The following MROH2A variants were observed in gnomAD, a reference collection of about 807,000 sequenced individuals.
MROH2A encodes maestro heat-like repeat-containing protein family member 2A.
Under a neutral mutation model 200.4 loss-of-function variants are expected in MROH2A, and 174 were observed. The observed-to-expected ratio is 0.87, with a 90% CI of 0.77 to 0.98. The LOEUF (loss-of-function observed/expected upper bound fraction) is 0.98, where lower values mean the gene tolerates loss of function less well. Among genes scored for constraint, MROH2A ranks in the 50% least tolerant of loss-of-function variants. The pLI is 0.00. For missense variants in MROH2A, 2,045 were observed against 2,139.6 expected, an observed-to-expected ratio of 0.96 and a Z score of 0.87; for synonymous variants, 829 against 840.4, an observed-to-expected ratio of 0.99 and a Z score of 0.23.
chr2:233,785,864 G>A (rs1229376125), intron 3 of MROH2A, among the ~76,000 whole-genome samples: 1 of 152,160 alleles, frequency 6.6e-6, no homozygotes, highest in East Asian at 1.9e-4. Flanking sequence ...TATAGTATGG[G>A]TGGCTTAGAA....
chr2:233,787,861 T>TTA (rs368679041), intron 3 of MROH2A, among the ~76,000 whole-genome samples: 2 of 5,288 alleles, frequency 3.8e-4, no homozygotes, highest in African/African-American at 5.3e-4. Flanking sequence ...TACATATATA[T>TTA]TATATATACA....
In MROH2A at chr2:233,789,952, A is replaced by T. The variant is rs1421854937; in HGVS notation, c.509A>T (p.Lys170Met). The T allele has an allele frequency of 1.3e-6, 2 of 1,550,540 alleles. No individual in the cohort carries two copies. The highest frequency in any genetic ancestry group is 1.7e-6 in the Non-Finnish European group (2 of 1,146,930). The change falls in exon 5 of 42, where the codon AAG (lysine) becomes ATG (methionine). Residue 170 changes from lysine to methionine, a missense_variant. By Grantham distance (95) the Lys-to-Met change is moderately conservative. This residue lies in a region of MROH2A where 831 missense variants were observed against 800.0 expected (regional missense o/e 1.04). Coordinates refer to ENST00000389758, the MANE Select transcript of MROH2A (RefSeq NM_001394639.1). ...LVMYELQHHLKPLNLTDEFVI... is the reference protein window; with the variant it reads ...LVMYELQHHLMPLNLTDEFVI... ...ATGTACGAGCTGCAGCACCACCTCA[A>T]GCCCCTCAACCTCACTGATGAATTT...
At chr2:233,782,289 T>G (rs192586074) in intron 3 of MROH2A, among the ~76,000 whole-genome samples, 46 of 152,316 alleles carry the variant, frequency 3.0e-4, no homozygotes, top group African/African-American at 1.1e-3. Flanking sequence ...CTAAATTGCT[T>G]CTGGTAGTAT....
chr2:233,830,650 G>A (rs1704670673), intron 38 of MROH2A, among the ~76,000 whole-genome samples: 1 of 151,034 alleles, frequency 6.6e-6, no homozygotes, highest in African/African-American at 2.5e-5. Flanking sequence ...GGCCCTGGTG[G>A]CCCAGGTGGG....
intron 1 of MROH2A, 74 bp from the exon 2 acceptor site, chr2:233,779,270 AG>A (rs1700814404): frequency 6.9e-6 from 6 of 870,592 alleles, no homozygotes; most frequent in African/African-American, 1.7e-5. Context: ...GCTTTATGGA[AG>A]GGTGTGGGTC....
At chr2:233,798,638 A>G in intron 11 of MROH2A, 136 bp from the exon 12 acceptor site, 3 of 663,676 alleles carry the variant, frequency 4.5e-6, no homozygotes, top group Non-Finnish European at 8.3e-6. Context: ...GAGCATGGCC[A>G]GGGAGGCTCC....
intron 23 of MROH2A, 124 bp downstream of exon 23, chr2:233,811,040 G>T: frequency 2.7e-6 from 3 of 1,112,918 alleles, no homozygotes; most frequent in Non-Finnish European, 2.5e-6. Context: ...CCCTGTCTTG[G>T]CTCTGCTTTG....
chr2:233,793,760 C>T lies in MROH2A; in HGVS notation c.758C>T (p.Ala253Val). 1 of 1,495,484 alleles carries T rather than the reference C, an allele frequency of 6.7e-7. No individual in the cohort carries two copies. The highest frequency in any genetic ancestry group is 2.2e-5 in the Admixed American group (1 of 44,694). 92.6% of individuals were successfully genotyped at this position (1,495,484 alleles called of 1,614,324 possible). Residue 253 changes from alanine (A) to valine (V), a missense_variant, in exon 7 of 42, where the codon GCC (alanine) becomes GTC (valine). Transcript: ENST00000389758. ...CCCGTGATGACTGAGGAGGAGTTTGCCCTGAAGGTGTTCCCCATGTATCGC... is the reference window on the plus strand; with the variant it reads ...CCCGTGATGACTGAGGAGGAGTTTGTCCTGAAGGTGTTCCCCATGTATCGC... ...VYPVMTEEEF[A>V]LKVFPMYRYF... is the part of the protein sequence containing the mutation.
In MROH2A at chr2:233,796,189, C is replaced by G. The variant is rs1702097322; in HGVS notation, c.1139-11C>G. ...GGTGAGCATGACTAAAGCTGTCCTT[C>G]CACCCTGCAGCTCGCTCCTACCCCA... On this transcript the variant is annotated splice_polypyrimidine_tract_variant and intron_variant, in intron 10 of 41. Transcript: ENST00000389758. 1.9e-6 allele frequency: 3 copies of G among 1,545,066 alleles called. No homozygotes were observed. The East Asian group carries it at 7.3e-5, about 38-fold the overall frequency.
Position 233,828,464 on chromosome 2 carries a change from G to T in MROH2A, c.4114-166G>T, listed in dbSNP as rs1576019822. ...AATCCCCACACAGACCCTGAGGCAG[G>T]TACTAGCATCACCCGCTTTTTATAG... On this transcript the variant is annotated intron_variant, in intron 35 of 41. Transcript: ENST00000389758. This position sits in a 1 kb window ranked among gnomAD's most constrained non-coding sequence, Gnocchi z 4.6. 1 of 739,858 alleles carries T rather than the reference G, an allele frequency of 1.4e-6. No homozygotes were observed. The highest frequency in any genetic ancestry group is 2.2e-6 in the Non-Finnish European group (1 of 453,932). The allele number at this position is 739,858 out of a possible 1,614,324, so 45.8% of individuals were successfully genotyped here.
intron 27 of MROH2A, 88 bp downstream of exon 27, chr2:233,816,973 T>G (rs1703579217): frequency 1.2e-6 from 1 of 820,092 alleles, no homozygotes. Flanking sequence ...AGGGAACACT[T>G]ATGAAATCAA....
intron 3 of MROH2A, among the ~76,000 whole-genome samples, chr2:233,785,734 C>T (rs1255223484): frequency 6.6e-6 from 1 of 152,154 alleles, no homozygotes; most frequent in South Asian, 2.1e-4. Context: ...TGATACCTCC[C>T]CTGTGTGATT....
At chr2:233,802,374 G>A in intron 15 of MROH2A, 59 bp downstream of exon 15, 1 of 1,498,990 alleles carries the variant, frequency 6.7e-7, no homozygotes, top group South Asian at 1.3e-5. Context: ...TCCTTGTCTG[G>A]GAATGCCCAC....
intron 3 of MROH2A, among the ~76,000 whole-genome samples, chr2:233,782,804 C>T (rs1284627333): frequency 6.6e-6 from 1 of 152,130 alleles, no homozygotes; most frequent in African/African-American, 2.4e-5. Context: ...ATTTTAGGAA[C>T]AAGGCTTTCG....
At chr2:233,780,387 G>T (rs146158018) in intron 3 of MROH2A, among the ~76,000 whole-genome samples, 1 of 152,204 alleles carries the variant, frequency 6.6e-6, no homozygotes, top group Non-Finnish European at 1.5e-5. Context: ...TAAGTCTGGG[G>T]TGGAGCCTGA....
At chr2:233,805,199 T>C in intron 19 of MROH2A, 88 bp downstream of exon 19, 1 of 867,934 alleles carries the variant, frequency 1.2e-6, no homozygotes, top group South Asian at 1.6e-5. Context: ...GTGTGTGAGA[T>C]CAGCTGGACC....
intron 19 of MROH2A, among the ~76,000 whole-genome samples, chr2:233,805,966 A>G (rs1430446502): frequency 6.6e-6 from 1 of 152,252 alleles, no homozygotes; most frequent in African/African-American, 2.4e-5. Context: ...ATAAAATTCT[A>G]GAAAAACACA....
chr2:233,795,802 C>CT, intron 9 of MROH2A, 57 bp downstream of exon 9: 1 of 1,550,512 alleles, frequency 6.4e-7, no homozygotes, highest in East Asian at 2.4e-5. Flanking sequence ...CAGCAGGAAG[C>CT]TGGCGGCGGG....
chr2:233,822,351 T>G lies in MROH2A; in HGVS notation c.3673-12T>G. On this transcript the variant is annotated splice_polypyrimidine_tract_variant and intron_variant, in intron 32 of 41. Transcript: ENST00000389758. ...GGGTAGGAGCCCGATGCCCTGGACC[T>G]TCTCTCTGCAGACCCTGTGCACCAT... The G allele has an allele frequency of 6.5e-7, 1 of 1,549,704 alleles. No homozygotes were observed.
Sources: gnomAD v4.1 joint callset for allele counts (sites outside exome capture counted in the v4.1 genomes callset) on GRCh38, gnomAD v4.1.1 for gene constraint, gnomAD v4.1.1 regional missense constraint, Gnocchi (gnomAD v3.1) non-coding constraint, MANE v1.5 for transcripts, NCBI Gene and HGNC (gene_info 2026-07-23, HGNC 2026-07-21) for gene names.